The following GALNTL6 variants were observed in gnomAD, a reference collection of about 807,000 sequenced individuals.
GALNTL6 encodes the protein polypeptide N-acetylgalactosaminyltransferase like 6.
GALNTL6 carries 46 observed loss-of-function variants against 73.7 expected under a neutral mutation model. The observed-to-expected ratio is 0.62, with a 90% CI of 0.49 to 0.80. The LOEUF is 0.80. Among genes scored for constraint, GALNTL6 ranks in the 30% least tolerant of loss-of-function variants. GALNTL6 has a pLI of 0.00. For synonymous variants in GALNTL6, 259 were observed against 263.7 expected (o/e 0.98, Z 0.17); for missense variants, 604 against 755.0 (o/e 0.80, Z 2.34).
intron 2 of GALNTL6, among the ~76,000 whole-genome samples, chr4:171,959,567 A>G (rs1014268479): frequency 2.0e-5 from 3 of 152,152 alleles, no homozygotes; most frequent in Admixed American, 2.0e-4. Flanking sequence ...ATACTTACTC[A>G]GAGCTGAGCA....
intron 3 of GALNTL6, among the ~76,000 whole-genome samples, chr4:172,242,501 C>T (rs1423036044): frequency 6.6e-6 from 1 of 152,040 alleles, no homozygotes. Context: ...GTGAACTCAA[C>T]GTTTTTAAAA....
chr4:172,755,499 C>T (rs916835193), intron 5 of GALNTL6, among the ~76,000 whole-genome samples: 2 of 152,096 alleles, frequency 1.3e-5, no homozygotes, highest in Admixed American at 1.3e-4. Context: ...CCTAAAGAAA[C>T]AATATTATCC....
intron 7 of GALNTL6, among the ~76,000 whole-genome samples, chr4:172,871,787 T>TTTGTTTG (rs1298267761): frequency 8.7e-5 from 2 of 22,936 alleles, no homozygotes; most frequent in Non-Finnish European, 2.1e-4. Context: ...TTGTTTGTTT[T>TTTGTTTG]TTGGGGTTTT....
intron 4 of GALNTL6, among the ~76,000 whole-genome samples, chr4:172,332,442 C>T (rs1043652666): frequency 1.3e-5 from 2 of 151,928 alleles, no homozygotes; most frequent in Non-Finnish European, 2.9e-5. Flanking sequence ...TTCTTTTCAT[C>T]ATCCCTCCTA....
At chr4:172,445,106 C>T (rs549605514) in intron 5 of GALNTL6, among the ~76,000 whole-genome samples, 349 of 152,274 alleles carry the variant, frequency 2.3e-3, no homozygotes, top group Non-Finnish European at 3.8e-3. Flanking sequence ...GGGCACTATT[C>T]CTCAGAGAAC....
chr4:172,480,154 TA>T (rs1386204749), intron 5 of GALNTL6, among the ~76,000 whole-genome samples: 1 of 152,168 alleles, frequency 6.6e-6, no homozygotes, highest in Middle Eastern at 3.4e-3. Flanking sequence ...GTTTTTTTTT[TA>T]AATTAGTCAG....
chr4:172,704,471 C>T (rs917166486), intron 5 of GALNTL6, among the ~76,000 whole-genome samples: 3 of 151,766 alleles, frequency 2.0e-5, no homozygotes, highest in Non-Finnish European at 4.4e-5. Flanking sequence ...TGTTTAAGAG[C>T]ATGTTGTTTA....
intron 5 of GALNTL6, among the ~76,000 whole-genome samples, chr4:172,610,286 A>G (rs1442201613): frequency 6.6e-6 from 1 of 151,930 alleles, no homozygotes; most frequent in African/African-American, 2.4e-5. Context: ...CTAGAGTGTG[A>G]TGTTAGGTTG....
chr4:171,881,696 A>G (rs1264033497), intron 2 of GALNTL6, among the ~76,000 whole-genome samples: 3 of 152,174 alleles, frequency 2.0e-5, no homozygotes, highest in Admixed American at 1.3e-4. Context: ...TTCTCTATGG[A>G]CTGTCTTCTT....
Position 172,915,172 on chromosome 4 carries a change from G to A in GALNTL6, c.1042-15989G>A, listed in dbSNP as rs371955620. Among the ~76,000 whole-genome samples, 18 of 152,272 alleles carry A rather than the reference G, an allele frequency of 1.2e-4. No individual in the cohort carries two copies. The South Asian group carries it at 3.3e-3, about 28-fold the overall frequency. ...CTACTGGGTACATAATGAAATGAAGGCAGAAATAAAGATGTTCTTTGAAAC... is the reference window on the plus strand; with the variant it reads ...CTACTGGGTACATAATGAAATGAAGACAGAAATAAAGATGTTCTTTGAAAC... On this transcript the variant is annotated intron_variant, in intron 8 of 12. Transcript: ENST00000506823.
chr4:172,887,492 G>C (rs533746960), intron 8 of GALNTL6, among the ~76,000 whole-genome samples: 2 of 151,744 alleles, frequency 1.3e-5, no homozygotes, highest in South Asian at 4.2e-4. Context: ...GTGTATAAGT[G>C]TTCTTTTTTC....
Position 171,818,002 on chromosome 4 carries a change from G to A in GALNTL6, c.138+3284G>A, listed in dbSNP as rs1734566721. 2.6e-5 allele frequency among the ~76,000 whole-genome samples: 4 copies of A among 151,296 alleles called. No homozygotes were observed. The South Asian group carries it at 8.3e-4, about 31-fold the overall frequency. On this transcript the variant is annotated intron_variant, in intron 2 of 12. Transcript: ENST00000506823. ...TTTTTTTGTTATTGGGATGATATAA[G>A]TATCTCCTTTATGTCATTTAGAAAT...
intron 2 of GALNTL6, among the ~76,000 whole-genome samples, chr4:172,105,565 A>T (rs748986906): frequency 1.3e-5 from 2 of 152,078 alleles, no homozygotes; most frequent in East Asian, 3.8e-4. Flanking sequence ...ATTGCATTGC[A>T]TTGATAATAA....
In GALNTL6 at chr4:172,455,829, G is replaced by A. The variant is rs985435860; in HGVS notation, c.553+107140G>A. ...TCTGAAGAGAGGAATAGATCTCCCA[G>A]CACAGCGCTCAAGCTCTGCTAAGGG... On this transcript the variant is annotated intron_variant, in intron 5 of 12. Transcript: ENST00000506823. Among the ~76,000 whole-genome samples the A allele has an allele frequency of 3.9e-5, 6 of 152,210 alleles. No homozygotes were observed. In the South Asian group the frequency reaches 1.0e-3, roughly 26 times the overall value.
chr4:172,722,563 T>C (rs1242824520), intron 5 of GALNTL6, among the ~76,000 whole-genome samples: 1 of 152,092 alleles, frequency 6.6e-6, no homozygotes, highest in East Asian at 1.9e-4. Flanking sequence ...TTTGATTTTT[T>C]AAAATGCATG....
intron 5 of GALNTL6, among the ~76,000 whole-genome samples, chr4:172,745,804 A>T (rs2110758525): frequency 6.6e-6 from 1 of 152,232 alleles, no homozygotes; most frequent in Non-Finnish European, 1.5e-5. Context: ...CTTTTCAGTA[A>T]ATTATTCAAA....
chr4:172,552,856 A>AAAAAAAAAAAAAAAAAAC (rs1173624538), intron 5 of GALNTL6, among the ~76,000 whole-genome samples: 1 of 141,982 alleles, frequency 7.0e-6, no homozygotes, highest in African/African-American at 2.5e-5. Context: ...AAAAAAAAAA[A>AAAAAAAAAAAAAAAAAAC]AGGTAAAAAC....
At chr4:171,877,996 C>T (rs913341170) in intron 2 of GALNTL6, among the ~76,000 whole-genome samples, 4 of 152,194 alleles carry the variant, frequency 2.6e-5, no homozygotes, top group Non-Finnish European at 1.5e-5. Flanking sequence ...ATACTGATCA[C>T]ATCAAACATT....
intron 8 of GALNTL6, among the ~76,000 whole-genome samples, chr4:172,919,177 C>G (rs1399375729): frequency 6.6e-6 from 1 of 152,004 alleles, no homozygotes; most frequent in Non-Finnish European, 1.5e-5. Flanking sequence ...AGACAGAAAC[C>G]CACCTCATTT....
Sources: gnomAD v4.1 joint callset for allele counts (sites outside exome capture counted in the v4.1 genomes callset) on GRCh38, gnomAD v4.1.1 for gene constraint, MANE v1.5 for transcripts, NCBI Gene and HGNC (gene_info 2026-07-23, HGNC 2026-07-21) for gene names.